CEP170: variants seen among roughly 807,000 people sequenced by gnomAD.
The protein encoded by CEP170 is centrosomal protein 170, also known as centrosomal protein of 170 kDa.
CEP170 carries 21 observed loss-of-function variants against 151.9 expected under a neutral mutation model. The observed-to-expected ratio is 0.14, with a 90% CI of 0.10 to 0.20. CEP170 has a LOEUF of 0.20. CEP170 is among the 10% of genes least tolerant of loss of function. The probability of loss-of-function intolerance (pLI) is 1.00; values close to 1 mark genes in which losing one functional copy is unlikely to be tolerated. For synonymous variants in CEP170, 356 were observed against 648.8 expected (o/e 0.55, Z 6.86); for missense variants, 964 against 1,892.9 (o/e 0.51, Z 9.11).
In CEP170 at chr1:243,154,120, G is replaced by C. The variant is rs532135649; in HGVS notation, c.3911+2101C>G. On this transcript the variant is annotated intron_variant, in intron 14 of 19. Coordinates refer to ENST00000366542, the MANE Select transcript of CEP170 (RefSeq NM_014812.3). The stretch of plus-strand genomic sequence containing the variant: ...CTTTTGTGCTTTAAATTTAAATGCA[G>C]GTAAACAGTTACTATGTACAGATTA... Among the ~76,000 whole-genome samples the C allele has an allele frequency of 1.2e-4, 18 of 152,220 alleles. No individual in the cohort carries two copies. The South Asian group carries it at 3.3e-3, about 28-fold the overall frequency.
intron 3 of CEP170, among the ~76,000 whole-genome samples, chr1:243,216,626 T>A (rs1310261975): frequency 6.6e-6 from 1 of 152,158 alleles, no homozygotes; most frequent in Non-Finnish European, 1.5e-5. Context: ...TAATATGCCA[T>A]AAAATAAGTT....
At chr1:243,167,386 T>C (rs1353713507) in intron 12 of CEP170, among the ~76,000 whole-genome samples, 2 of 151,854 alleles carry the variant, frequency 1.3e-5, no homozygotes, top group Non-Finnish European at 2.9e-5. Flanking sequence ...AATTATAGTC[T>C]TCTGGTTATT....
chr1:243,226,063 A>T (rs201720502), intron 1 of CEP170, among the ~76,000 whole-genome samples: 3 of 138,146 alleles, frequency 2.2e-5, no homozygotes, highest in South Asian at 2.2e-4. Flanking sequence ...ATCTAGATAT[A>T]TATATCTATA....
chr1:243,199,888 C>T (rs994139473), intron 6 of CEP170, among the ~76,000 whole-genome samples: 2 of 151,772 alleles, frequency 1.3e-5, no homozygotes, highest in African/African-American at 4.8e-5. Context: ...AATTCGTTTT[C>T]GTTGTTATGC....
At chr1:243,232,789 T>C (rs2063872135) in intron 1 of CEP170, among the ~76,000 whole-genome samples, 1 of 151,614 alleles carries the variant, frequency 6.6e-6, no homozygotes, top group Non-Finnish European at 1.5e-5. Flanking sequence ...CAACAGGAGG[T>C]TGTCATTACT....
At chr1:243,213,592 A>G (rs553452610) in intron 3 of CEP170, among the ~76,000 whole-genome samples, 2 of 152,336 alleles carry the variant, frequency 1.3e-5, no homozygotes, top group South Asian at 4.1e-4. Context: ...TAATGCAAGA[A>G]TCAATGAGAA....
intron 9 of CEP170, 62 bp from the exon 10 acceptor site, chr1:243,186,134 G>C (rs1407272590): frequency 6.2e-7 from 1 of 1,613,202 alleles, no homozygotes; most frequent in East Asian, 2.2e-5. Flanking sequence ...CTCAAGTTTT[G>C]TATGTGGTGT....
chr1:243,148,933 G>A (rs2056802206), intron 14 of CEP170, among the ~76,000 whole-genome samples: 1 of 152,144 alleles, frequency 6.6e-6, no homozygotes, highest in Non-Finnish European at 1.5e-5. Context: ...GTTACACTGA[G>A]CCACAAAAGA....
chr1:243,193,952 T>C (rs1417690927), intron 7 of CEP170, among the ~76,000 whole-genome samples: 2 of 151,948 alleles, frequency 1.3e-5, no homozygotes, highest in Non-Finnish European at 2.9e-5. Context: ...TGCTTCTCCC[T>C]CCACCTTCAA....
At chr1:243,143,178 G>C in intron 14 of CEP170, among the ~76,000 whole-genome samples, 1 of 151,990 alleles carries the variant, frequency 6.6e-6, no homozygotes, top group Non-Finnish European at 1.5e-5. Flanking sequence ...AATGGGCAAA[G>C]GGGTCTACAG....
At chr1:243,251,389 A>G (rs12723863) in intron 1 of CEP170, among the ~76,000 whole-genome samples, 47,827 of 152,152 alleles carry the variant, frequency 0.31, 7,877 homozygotes, top group South Asian at 0.54. Context: ...TTTTGGCTTT[A>G]GCCAAAAAGA....
intron 17 of CEP170, among the ~76,000 whole-genome samples, chr1:243,135,363 C>T (rs1163835039): frequency 6.6e-6 from 1 of 152,050 alleles, no homozygotes; most frequent in African/African-American, 2.4e-5. Context: ...CCCGCCACCA[C>T]GCCCGGCTAA....
intron 1 of CEP170, among the ~76,000 whole-genome samples, chr1:243,225,587 A>C (rs2063158908): frequency 6.6e-6 from 1 of 152,208 alleles, no homozygotes; most frequent in African/African-American, 2.4e-5. Context: ...TATAGTTTTC[A>C]TACTTCTGAA....
In CEP170 at chr1:243,126,274, T is replaced by G. The variant is rs397834422; in HGVS notation, c.*175A>C. 5 of 769,206 alleles carry G rather than the reference T, an allele frequency of 6.5e-6. No individual in the cohort carries two copies. The African/African-American group carries it at 8.6e-5, about 13-fold the overall frequency. The allele number at this position is 769,206 out of a possible 1,614,324, so 47.6% of individuals were successfully genotyped here. Reference sequence around the variant, plus strand: ...GCATCAAGTGGTTATCTAAATAGTTTGAAAGGATTGATATACTACATTATA... The same window carrying G: ...GCATCAAGTGGTTATCTAAATAGTTGGAAAGGATTGATATACTACATTATA... On this transcript the variant is annotated 3_prime_UTR_variant, in exon 20 of 20. Coordinates refer to ENST00000366542, the MANE Select transcript of CEP170 (RefSeq NM_014812.3).
intron 14 of CEP170, among the ~76,000 whole-genome samples, chr1:243,146,793 A>C (rs1255376078): frequency 1.3e-5 from 2 of 152,244 alleles, no homozygotes; most frequent in Non-Finnish European, 2.9e-5. Flanking sequence ...AGGCGGTAAG[A>C]AGTCAAGTTA....
At chr1:243,183,216 T>A (rs1175841702) in intron 10 of CEP170, among the ~76,000 whole-genome samples, 1 of 152,130 alleles carries the variant, frequency 6.6e-6, no homozygotes, top group Non-Finnish European at 1.5e-5. Flanking sequence ...TAATGTTGAA[T>A]TAAAGTTGCT....
chr1:243,158,978 A>C (rs1179090245), intron 13 of CEP170, among the ~76,000 whole-genome samples: 2 of 152,062 alleles, frequency 1.3e-5, no homozygotes, highest in Admixed American at 1.3e-4. Context: ...AAGAGAGGAG[A>C]ATTACGTGAA....
rs1194330347 is a variant in CEP170, at chr1:243,199,191, A to G, written c.500T>C (p.Ile167Thr). The change falls in exon 7 of 20, where the codon ATT becomes ACT. Residue 167 changes from isoleucine to threonine, a missense_variant. Ile to Thr is a moderately conservative substitution (Grantham distance 89). Coordinates refer to ENST00000366542, the MANE Select transcript of CEP170 (RefSeq NM_014812.3). The part of the protein sequence containing the change: ...ALKSEEKAMD[I>T]SAMPRGTPLY... ...TGGAGTACCACGGGGCATAGCAGAA[A>G]TATCTGGAAAGAGGTGGGAAAAATC... 6.2e-7 allele frequency: 1 copy of G among 1,609,254 alleles called. No homozygotes were observed. The highest frequency in any genetic ancestry group is 2.2e-5 in the East Asian group (1 of 44,856).
intron 10 of CEP170, among the ~76,000 whole-genome samples, chr1:243,182,399 C>G (rs562710709): frequency 4.5e-4 from 69 of 152,212 alleles, no homozygotes; most frequent in African/African-American, 1.6e-3. Flanking sequence ...TAATAATTCC[C>G]AGATCTGTAT....
Sources: allele counts gnomAD v4.1 joint callset (sites outside exome capture counted in the v4.1 genomes callset), GRCh38; gene constraint gnomAD v4.1.1; transcripts MANE v1.5; gene names NCBI Gene and HGNC (gene_info 2026-07-23, HGNC 2026-07-21).